SORL1: variants seen among roughly 807,000 people sequenced by gnomAD.
SORL1 encodes the protein sortilin related receptor 1, also known as sortilin-related receptor.
In SORL1, 127 loss-of-function variants were observed where a neutral mutation model predicts 273.7. The ratio of observed to expected loss-of-function variants is 0.46; its 90% CI spans 0.40 to 0.54. SORL1 has a LOEUF of 0.54. SORL1 is among the 20% of genes least tolerant of loss of function. SORL1 has a pLI of 0.00. For synonymous variants in SORL1, 1,031 were observed against 1,067.4 expected (o/e 0.97, Z 0.66); for missense variants, 2,494 against 2,846.1 (o/e 0.88, Z 2.81).
chr11:121,600,754 T>G (rs1209394721), intron 32 of SORL1, among the ~76,000 whole-genome samples: 2 of 152,234 alleles, frequency 1.3e-5, no homozygotes, highest in African/African-American at 4.8e-5. Context: ...GGTGCGATTC[T>G]TTTTAGAGAA....
At chr11:121,626,928 ATGT>A (rs1425218415) in intron 46 of SORL1, 4 of 153,294 alleles carry the variant, frequency 2.6e-5, no homozygotes, top group African/African-American at 9.6e-5. Flanking sequence ...GGAAGGGGCC[ATGT>A]TTGTTAGGTT....
At chr11:121,534,859 G>A (rs1862246599) in intron 12 of SORL1, among the ~76,000 whole-genome samples, 1 of 152,202 alleles carries the variant, frequency 6.6e-6, no homozygotes, top group South Asian at 2.1e-4. Flanking sequence ...CAGTCACAGA[G>A]ATCTCTTTTC....
At chr11:121,567,267 T>C (rs1166302204) in intron 22 of SORL1, among the ~76,000 whole-genome samples, 154 bp downstream of exon 22, 3 of 152,216 alleles carry the variant, frequency 2.0e-5, no homozygotes, top group Non-Finnish European at 4.4e-5. Flanking sequence ...CTCATAAGAA[T>C]ACTGGTTTGG....
At chr11:121,511,129 C>T (rs1861872078) in intron 6 of SORL1, among the ~76,000 whole-genome samples, 1 of 151,748 alleles carries the variant, frequency 6.6e-6, no homozygotes. Context: ...CCTGAATTGT[C>T]CAGGTTTAGG....
chr11:121,520,613 C>A, intron 8 of SORL1, 44 bp from the exon 9 acceptor site: 2 of 1,330,274 alleles, frequency 1.5e-6, no homozygotes, highest in South Asian at 1.5e-5. Context: ...CAATAACAAG[C>A]AAATACCAAT....
rs1273853485 is a variant in SORL1, at chr11:121,608,157, T to C, written c.5220T>C (p.Ile1740=). The change falls in exon 38 of 48, where the codon ATT becomes ATC. Residue 1740 remains isoleucine (I), a synonymous_variant. Coordinates refer to ENST00000260197, the MANE Select transcript of SORL1 (RefSeq NM_003105.6). ...GAAACTGGAGCGATTCTAAATCCATTACCACCATAAAAGGAAAAGGTAAAT... is the reference window on the plus strand; with the variant it reads ...GAAACTGGAGCGATTCTAAATCCATCACCACCATAAAAGGAAAAGGTAAAT... ...GIGNWSDSKS[I]TTIKGKVIPP... is the part of the protein sequence containing the mutation. The C allele has an allele frequency of 6.2e-7, 1 of 1,613,754 alleles. No individual in the cohort carries two copies. The highest frequency in any genetic ancestry group is 1.1e-5 in the South Asian group (1 of 91,066).
chr11:121,469,177 G>C (rs899349998), intron 1 of SORL1, among the ~76,000 whole-genome samples: 1 of 152,180 alleles, frequency 6.6e-6, no homozygotes, highest in East Asian at 1.9e-4. Flanking sequence ...GATGGGGAAA[G>C]AAAAGAGGAC....
intron 21 of SORL1, 31 bp downstream of exon 21, chr11:121,559,688 A>G (rs1340223894): frequency 6.2e-7 from 1 of 1,607,812 alleles, no homozygotes; most frequent in East Asian, 2.2e-5. Flanking sequence ...TTGTCTCTGT[A>G]GAGTTGATCT....
chr11:121,535,887 A>T (rs1296652018), intron 12 of SORL1, among the ~76,000 whole-genome samples: 2 of 152,150 alleles, frequency 1.3e-5, no homozygotes, highest in Admixed American at 1.3e-4. Context: ...GTAAATAAGA[A>T]CCTGCACTGG....
intron 31 of SORL1, among the ~76,000 whole-genome samples, chr11:121,592,405 A>G (rs1863230039): frequency 6.6e-6 from 1 of 152,258 alleles, no homozygotes; most frequent in East Asian, 1.9e-4. Flanking sequence ...GGAGATCCCC[A>G]TATGATTCTT....
chr11:121,584,754 G>A (rs935686645), intron 26 of SORL1, among the ~76,000 whole-genome samples: 3 of 152,274 alleles, frequency 2.0e-5, no homozygotes, highest in Non-Finnish European at 4.4e-5. Context: ...ACCACGCCCA[G>A]CTAATTTTTG....
intron 41 of SORL1, 145 bp downstream of exon 41, chr11:121,615,200 G>C: frequency 1.6e-6 from 1 of 619,324 alleles, no homozygotes; most frequent in South Asian, 2.5e-5. Context: ...TTTTTCCTTT[G>C]TTTTCATACG....
chr11:121,516,587 G>A (rs750301173), intron 8 of SORL1, among the ~76,000 whole-genome samples: 1 of 152,070 alleles, frequency 6.6e-6, no homozygotes, highest in African/African-American at 2.4e-5. Flanking sequence ...TCTTTTGGAG[G>A]TGCTGTCATC....
intron 25 of SORL1, among the ~76,000 whole-genome samples, 192 bp from the exon 26 acceptor site, chr11:121,583,266 C>T (rs540066095): frequency 9.2e-5 from 14 of 152,314 alleles, no homozygotes; most frequent in Non-Finnish European, 2.1e-4. Flanking sequence ...AATCCATAGG[C>T]TCAAGTCCAC....
intron 17 of SORL1, 91 bp from the exon 18 acceptor site, chr11:121,555,096 A>G (rs1201023971): frequency 7.4e-7 from 1 of 1,347,904 alleles, no homozygotes; most frequent in African/African-American, 1.5e-5. Context: ...CAGTCCTGCC[A>G]GTTGAATAAA....
chr11:121,577,187 G>T, intron 24 of SORL1, 94 bp from the exon 25 acceptor site: 4 of 1,442,094 alleles, frequency 2.8e-6, no homozygotes, highest in Non-Finnish European at 1.9e-6. Context: ...GTGATCACGG[G>T]TCCATCTCCA....
chr11:121,610,709 G>A (rs1565353783), intron 38 of SORL1: 1 of 172,950 alleles, frequency 5.8e-6, no homozygotes, highest in Non-Finnish European at 1.2e-5. Flanking sequence ...GAAAGGACTT[G>A]AGATTGGTGG....
chr11:121,590,553 A>G (rs1000500646), intron 30 of SORL1: 15 of 546,052 alleles, frequency 2.7e-5, no homozygotes, highest in African/African-American at 9.5e-5. Flanking sequence ...GTGCTCCACA[A>G]TGCATTTGAG....
chr11:121,452,619 G>A lies in SORL1; in HGVS notation c.285+3G>A. On this transcript the variant is annotated splice_donor_region_variant and intron_variant, in intron 1 of 47. Coordinates refer to ENST00000260197, the MANE Select transcript of SORL1 (RefSeq NM_003105.6). The surrounding 1 kb of genome is among the most constrained non-coding windows in gnomAD (Gnocchi z 5.3). ...AGCCCATCAAGGTGTACGGACAGGTGAGCAGTTTTGCAACCCGCCTCCCTC... is the reference window on the plus strand; with the variant it reads ...AGCCCATCAAGGTGTACGGACAGGTAAGCAGTTTTGCAACCCGCCTCCCTC... 6.8e-7 allele frequency: 1 copy of A among 1,475,986 alleles called. No individual in the cohort carries two copies. The highest frequency in any genetic ancestry group is 8.9e-7 in the Non-Finnish European group (1 of 1,117,884). 91.4% of individuals were successfully genotyped at this position (1,475,986 alleles called of 1,614,324 possible). A position where few individuals can be genotyped will look rare whatever the true frequency, so the allele number is the denominator to read the frequency against.
Sources: allele counts gnomAD v4.1 joint callset (sites outside exome capture counted in the v4.1 genomes callset), GRCh38; gene constraint gnomAD v4.1.1; non-coding constraint Gnocchi (gnomAD v3.1); transcripts MANE v1.5; gene names NCBI Gene and HGNC (gene_info 2026-07-23, HGNC 2026-07-21).